Variants in ARHGAP31 observed in about 807,000 individuals in gnomAD.
The protein encoded by ARHGAP31 is Rho GTPase activating protein 31, also known as rho GTPase-activating protein 31.
In ARHGAP31, 34 loss-of-function variants were observed where a neutral mutation model predicts 113.9. The observed-to-expected ratio is 0.30, with a 90% CI of 0.23 to 0.40. The LOEUF (loss-of-function observed/expected upper bound fraction) is 0.40. Ranked by LOEUF, ARHGAP31 falls within the 10% of genes least tolerant of loss-of-function variation. ARHGAP31 has a pLI of 1.00. For missense variants in ARHGAP31, 1,548 were observed against 1,767.1 expected, an observed-to-expected ratio of 0.88 and a Z score of 2.22; for synonymous variants, 650 against 684.8, an observed-to-expected ratio of 0.95 and a Z score of 0.79.
chr3:119,356,910 TAGA>T (rs1426292907), intron 1 of ARHGAP31, among the ~76,000 whole-genome samples: 5 of 152,216 alleles, frequency 3.3e-5, no homozygotes, highest in Admixed American at 1.3e-4. Flanking sequence ...GATAAATTTC[TAGA>T]AGAAGAATGA....
chr3:119,313,485 A>G (rs1412741362), intron 1 of ARHGAP31, among the ~76,000 whole-genome samples: 1 of 152,248 alleles, frequency 6.6e-6, no homozygotes, highest in Non-Finnish European at 1.5e-5. Flanking sequence ...AACTTGTTAA[A>G]TATCAATAAT....
intron 1 of ARHGAP31, among the ~76,000 whole-genome samples, chr3:119,303,104 T>C (rs902959315): frequency 6.6e-6 from 1 of 152,248 alleles, no homozygotes; most frequent in African/African-American, 2.4e-5. Context: ...TAACACTTTA[T>C]GTATGCAAAT....
rs2080799893 is a variant in ARHGAP31, at chr3:119,418,774, A to G, written c.*2510A>G. 1 of 152,194 alleles carries G rather than the reference A, an allele frequency of 6.6e-6. No homozygotes were observed. The highest frequency in any genetic ancestry group is 2.4e-5 in the African/African-American group (1 of 41,440). 9.4% of individuals were successfully genotyped at this position (152,194 alleles called of 1,614,324 possible). A position where few individuals can be genotyped will look rare whatever the true frequency, so the allele number is the denominator to read the frequency against. ...GGATGTCATCATGAGACACACTGAC[A>G]GCTGTGGAGATAGTCCCTACTCTCA... On this transcript the variant is annotated 3_prime_UTR_variant, in exon 12 of 12. Transcript: ENST00000264245.
At chr3:119,301,836 G>A (rs192469776) in intron 1 of ARHGAP31, among the ~76,000 whole-genome samples, 1 of 152,310 alleles carries the variant, frequency 6.6e-6, no homozygotes, top group African/African-American at 2.4e-5. Flanking sequence ...CTGGAACAAA[G>A]TAGTGATAGA....
chr3:119,398,971 A>G (rs1164850115), intron 8 of ARHGAP31, among the ~76,000 whole-genome samples: 1 of 152,220 alleles, frequency 6.6e-6, no homozygotes, highest in African/African-American at 2.4e-5. Flanking sequence ...TTATTGTAAA[A>G]TATTAATAAA....
In ARHGAP31 at chr3:119,415,692, C is replaced by T. The variant is rs745730825; in HGVS notation, c.3763C>T (p.Leu1255=). The change falls in exon 12 of 12, where the codon CTG becomes TTG. Residue 1255 remains leucine, a synonymous_variant. Transcript: ENST00000264245. ...TGCCAAAGATGATTCTCCCTCCTCC[C>T]TGGAAAGCTCAAAGGAAGAAAAACC... ...KPAKDDSPSS[L]ESSKEEKPKQ... The T allele has an allele frequency of 9.9e-6, 16 of 1,614,036 alleles. No homozygotes were observed. Among genetic ancestry groups the T allele is most frequent in the Admixed American group, 8.3e-5 (5 of 60,000 alleles).
chr3:119,365,595 C>A (rs1172888847), intron 2 of ARHGAP31, among the ~76,000 whole-genome samples, 177 bp downstream of exon 2: 1 of 152,194 alleles, frequency 6.6e-6, no homozygotes, highest in East Asian at 1.9e-4. Flanking sequence ...AATCAGGAAA[C>A]CCTCCAGCCT....
At chr3:119,307,127 G>C (rs939792426) in intron 1 of ARHGAP31, among the ~76,000 whole-genome samples, 1 of 151,772 alleles carries the variant, frequency 6.6e-6, no homozygotes, top group East Asian at 1.9e-4. Context: ...TTGAGCATAT[G>C]GTTTGTTTGC....
chr3:119,399,120 C>A, intron 8 of ARHGAP31, 79 bp from the exon 9 acceptor site: 2 of 1,353,086 alleles, frequency 1.5e-6, no homozygotes, highest in Non-Finnish European at 2.1e-6. Flanking sequence ...GTCTTGGGTA[C>A]TTAAACAGCC....
In ARHGAP31 at chr3:119,310,754, C is replaced by T. The variant is rs145254816; in HGVS notation, c.100+15750C>T. On this transcript the variant is annotated intron_variant, in intron 1 of 11. Coordinates refer to ENST00000264245, the MANE Select transcript of ARHGAP31 (RefSeq NM_020754.4). The stretch of plus-strand genomic sequence containing the variant: ...TGGGGACTGCTGGCTTAGACAACCA[C>T]CATTTAGCGAGAGCACTTTGAGTTA... Among the ~76,000 whole-genome samples, 1,232 of 152,316 alleles carry T rather than the reference C, an allele frequency of 8.1e-3. 12 individuals are homozygous for T. The highest frequency in any genetic ancestry group is 0.027 in the African/African-American group (1,118 of 41,562).
At chr3:119,385,021 T>C (rs1460695401) in intron 6 of ARHGAP31, among the ~76,000 whole-genome samples, 1 of 151,752 alleles carries the variant, frequency 6.6e-6, no homozygotes, top group African/African-American at 2.4e-5. Context: ...GCCTCCCAGA[T>C]TCAAGCCATT....
chr3:119,357,120 T>C (rs1446504884), intron 1 of ARHGAP31, among the ~76,000 whole-genome samples: 1 of 152,230 alleles, frequency 6.6e-6, no homozygotes, highest in Admixed American at 6.5e-5. Context: ...AGTGCAGTTT[T>C]AATTTGCAGT....
intron 4 of ARHGAP31, among the ~76,000 whole-genome samples, 175 bp from the exon 5 acceptor site, chr3:119,382,117 A>G (rs1303213730): frequency 6.6e-6 from 1 of 152,128 alleles, no homozygotes; most frequent in African/African-American, 2.4e-5. Context: ...CCCTGAGTCA[A>G]TGTGCCTAGG....
chr3:119,355,766 C>T (rs536916404), intron 1 of ARHGAP31, among the ~76,000 whole-genome samples: 3 of 152,142 alleles, frequency 2.0e-5, no homozygotes, highest in African/African-American at 7.2e-5. Flanking sequence ...ATAGTTTGCT[C>T]AGAATGATGG....
chr3:119,414,705 G>C lies in ARHGAP31; in HGVS notation c.2776G>C (p.Ala926Pro). Residue 926 changes from alanine (A) to proline (P), a missense_variant, in exon 12 of 12, where the codon GCG becomes CCG. Coordinates refer to ENST00000264245, the MANE Select transcript of ARHGAP31 (RefSeq NM_020754.4). ...CCTTCACTCTCCCACCCTGAAAGAC[G>C]CGCACAAGGCCCAGGTACAGGGCCT... is the stretch of plus-strand genomic sequence containing the variant. Reference protein sequence around the residue: ...SPLHSPTLKDAHKAQVQGLQG... With the variant: ...SPLHSPTLKDPHKAQVQGLQG... The C allele has an allele frequency of 6.2e-7, 1 of 1,614,146 alleles. No homozygotes were observed. The highest frequency in any genetic ancestry group is 8.5e-7 in the Non-Finnish European group (1 of 1,180,028).
intron 1 of ARHGAP31, among the ~76,000 whole-genome samples, chr3:119,339,631 C>T (rs1205015138): frequency 6.6e-6 from 1 of 152,114 alleles, no homozygotes; most frequent in Middle Eastern, 3.2e-3. Context: ...CAAGTACAAC[C>T]AACCAACTTT....
At chr3:119,399,794 A>G (rs1170536072) in intron 9 of ARHGAP31, among the ~76,000 whole-genome samples, 1 of 152,236 alleles carries the variant, frequency 6.6e-6, no homozygotes, top group East Asian at 1.9e-4. Context: ...GGCACCAGCT[A>G]TGTATCAGCC....
Position 119,416,621 on chromosome 3 carries a change from G to C in ARHGAP31, c.*357G>C, listed in dbSNP as rs575057196. 1 of 321,056 alleles carries C rather than the reference G, an allele frequency of 3.1e-6. No individual in the cohort carries two copies. The highest frequency in any genetic ancestry group is 7.9e-5 in the East Asian group (1 of 12,618). 19.9% of individuals were successfully genotyped at this position (321,056 alleles called of 1,614,324 possible). A position where few individuals can be genotyped will look rare whatever the true frequency, so the allele number is the denominator to read the frequency against. ...AGAGCTGGCTGTCCTTTGAAAGAAA[G>C]AAGTAATGTTCTTTGAAAGAAAGAA... is the stretch of plus-strand genomic sequence containing the variant. On this transcript the variant is annotated 3_prime_UTR_variant, in exon 12 of 12. Coordinates refer to ENST00000264245, the MANE Select transcript of ARHGAP31 (RefSeq NM_020754.4).
intron 1 of ARHGAP31, among the ~76,000 whole-genome samples, chr3:119,360,570 T>A (rs960931101): frequency 6.6e-6 from 1 of 152,228 alleles, no homozygotes; most frequent in Admixed American, 6.5e-5. Flanking sequence ...ACTTCTGGCC[T>A]TTTCTGCATT....
Sources: gnomAD v4.1 joint callset for allele counts (sites outside exome capture counted in the v4.1 genomes callset) on GRCh38, gnomAD v4.1.1 for gene constraint, MANE v1.5 for transcripts, NCBI Gene and HGNC (gene_info 2026-07-23, HGNC 2026-07-21) for gene names.